The following UMAD1 variants were observed in gnomAD, a reference collection of about 807,000 sequenced individuals.
The protein encoded by UMAD1 is UBAP1-MVB12-associated (UMA) domain containing 1.
UMAD1 carries 8 observed loss-of-function variants against 6.1 expected under a neutral mutation model. The ratio of observed to expected loss-of-function variants is 1.30; its 90% CI spans 0.76 to 2.35. The LOEUF is 2.35. UMAD1 is among the 30% of genes most tolerant of loss of function. The pLI is 0.00. For missense variants in UMAD1, 130 were observed against 78.4 expected (o/e 1.66, Z -2.49); for synonymous variants, 56 against 31.4 (o/e 1.78, Z -2.61).
intron 3 of UMAD1, among the ~76,000 whole-genome samples, chr7:7,836,681 G>C (rs1333623415): frequency 6.6e-6 from 1 of 151,740 alleles, no homozygotes; most frequent in African/African-American, 2.4e-5. Flanking sequence ...AAGTGTATTT[G>C]GGAAAAAATA....
In UMAD1 at chr7:7,774,074, C is replaced by CT. The variant is rs549717054; in HGVS notation, c.83-27595dup. The stretch of plus-strand genomic sequence containing the variant: ...GCAAACCATGGCTGCAGCTTGATAG[C>CT]TGGTGCTTTTTCTGTTTGCAAACTG... On this transcript the variant is annotated intron_variant, in intron 2 of 3. Transcript: ENST00000682710. Among the ~76,000 whole-genome samples the CT allele has an allele frequency of 8.9e-4, 136 of 152,278 alleles. 1 individual carries two copies. Among genetic ancestry groups the CT allele is most frequent in the African/African-American group, 3.3e-3 (136 of 41,568 alleles).
At chr7:7,723,945 G>T (rs1463952425) in intron 2 of UMAD1, among the ~76,000 whole-genome samples, 1 of 152,152 alleles carries the variant, frequency 6.6e-6, no homozygotes, top group Non-Finnish European at 1.5e-5. Context: ...TTTTCAGATC[G>T]AATGGACAAA....
chr7:7,684,804 G>C (rs543404692), intron 2 of UMAD1, among the ~76,000 whole-genome samples: 2 of 152,278 alleles, frequency 1.3e-5, no homozygotes, highest in South Asian at 2.1e-4. Context: ...TTAAAAATCA[G>C]ACTAACGCAT....
chr7:7,686,192 G>A (rs998596197), intron 2 of UMAD1, among the ~76,000 whole-genome samples: 3 of 152,088 alleles, frequency 2.0e-5, no homozygotes, highest in African/African-American at 7.2e-5. Flanking sequence ...TAGGTGGTGG[G>A]GCAGATTGTG....
chr7:7,810,781 A>G (rs950826203), intron 3 of UMAD1, among the ~76,000 whole-genome samples: 1 of 152,244 alleles, frequency 6.6e-6, no homozygotes, highest in Non-Finnish European at 1.5e-5. Flanking sequence ...TTTGTGTGAT[A>G]GTAAAATAGT....
chr7:7,814,414 A>G (rs1477411591), intron 3 of UMAD1, among the ~76,000 whole-genome samples: 1 of 152,070 alleles, frequency 6.6e-6, no homozygotes, highest in East Asian at 1.9e-4. Flanking sequence ...TCAGACCTAA[A>G]TTTACAGTTC....
intron 2 of UMAD1, among the ~76,000 whole-genome samples, chr7:7,716,062 A>C (rs552822942): frequency 4.1e-4 from 62 of 152,326 alleles, no homozygotes; most frequent in Non-Finnish European, 7.2e-4. Context: ...CTACAGTTAA[A>C]ATTTTTTTTG....
At chr7:7,785,484 A>G (rs1298232289) in intron 2 of UMAD1, among the ~76,000 whole-genome samples, 2 of 152,230 alleles carry the variant, frequency 1.3e-5, no homozygotes, top group Non-Finnish European at 2.9e-5. Flanking sequence ...CTTACAAGCC[A>G]TGAAAAGGAA....
chr7:7,649,842 C>G (rs1479464451), intron 1 of UMAD1, among the ~76,000 whole-genome samples: 2 of 152,252 alleles, frequency 1.3e-5, no homozygotes, highest in Admixed American at 1.3e-4. Context: ...GAATTGGATT[C>G]ATGCCCTTAT....
At chr7:7,829,078 C>T (rs1198854413) in intron 3 of UMAD1, among the ~76,000 whole-genome samples, 1 of 152,110 alleles carries the variant, frequency 6.6e-6, no homozygotes, top group East Asian at 1.9e-4. Flanking sequence ...TGTAATAGCT[C>T]CCAAACATTT....
intron 2 of UMAD1, among the ~76,000 whole-genome samples, chr7:7,698,870 CTTT>C (rs57968079): frequency 5.3e-5 from 7 of 131,932 alleles, no homozygotes; most frequent in Non-Finnish European, 3.3e-5. Flanking sequence ...ACCCTCTTGT[CTTT>C]TTTTTTTTTT....
At chr7:7,795,732 A>T (rs1229414011) in intron 2 of UMAD1, among the ~76,000 whole-genome samples, 1 of 152,244 alleles carries the variant, frequency 6.6e-6, no homozygotes, top group Non-Finnish European at 1.5e-5. Context: ...GATGTTGTGT[A>T]AACAGTCATG....
At chr7:7,741,885 AT>A (rs1312071763) in intron 2 of UMAD1, 1 of 206,398 alleles carries the variant, frequency 4.8e-6, no homozygotes, top group Non-Finnish European at 9.9e-6. Context: ...AAATAAAGTC[AT>A]TTTTTACTAC....
At chr7:7,707,420 C>G (rs746579729) in intron 2 of UMAD1, among the ~76,000 whole-genome samples, 17 of 152,192 alleles carry the variant, frequency 1.1e-4, no homozygotes, top group Non-Finnish European at 2.9e-5. Flanking sequence ...CTAGCACCAT[C>G]AGCAATGTTA....
At chr7:7,843,684 G>C (rs1184344991) in intron 3 of UMAD1, among the ~76,000 whole-genome samples, 2 of 152,108 alleles carry the variant, frequency 1.3e-5, no homozygotes, top group Admixed American at 6.6e-5. Flanking sequence ...CAGTAAAAAA[G>C]AGTTGTAACA....
At chr7:7,786,993 C>T (rs1023203080) in intron 2 of UMAD1, among the ~76,000 whole-genome samples, 1 of 152,158 alleles carries the variant, frequency 6.6e-6, no homozygotes, top group African/African-American at 2.4e-5. Flanking sequence ...GTCCTCCAAG[C>T]CTTAAAACAA....
chr7:7,775,296 C>G (rs1165997913), intron 2 of UMAD1, among the ~76,000 whole-genome samples: 1 of 152,202 alleles, frequency 6.6e-6, no homozygotes, highest in African/African-American at 2.4e-5. Flanking sequence ...TCATCTTGAA[C>G]TGTAATCCCC....
intron 1 of UMAD1, among the ~76,000 whole-genome samples, chr7:7,666,205 T>C (rs1303046193): frequency 6.6e-6 from 1 of 151,992 alleles, no homozygotes; most frequent in East Asian, 1.9e-4. Context: ...TGTTTGTTTG[T>C]TTGTTTGTTT....
chr7:7,799,824 T>C (rs754238249), intron 2 of UMAD1, among the ~76,000 whole-genome samples: 2 of 152,258 alleles, frequency 1.3e-5, no homozygotes, highest in Non-Finnish European at 2.9e-5. Flanking sequence ...CTCACAAATA[T>C]GTTTTTACAA....
Sources: gnomAD v4.1 joint callset for allele counts (sites outside exome capture counted in the v4.1 genomes callset) on GRCh38, gnomAD v4.1.1 for gene constraint, MANE v1.5 for transcripts, NCBI Gene and HGNC (gene_info 2026-07-23, HGNC 2026-07-21) for gene names.